Variants in LRP1B observed in about 807,000 individuals in gnomAD.
The protein encoded by LRP1B is low-density lipoprotein receptor-related protein 1B.
A neutral mutation model predicts 556.6 loss-of-function variants in LRP1B; 217 were observed. That is an observed-to-expected ratio of 0.39 (90% CI 0.35 to 0.44). LRP1B has a LOEUF of 0.44. Ranked by LOEUF, LRP1B falls within the 20% of genes least tolerant of loss-of-function variation. The probability of loss-of-function intolerance (pLI) is 1.00; values close to 1 mark genes in which losing one functional copy is unlikely to be tolerated. For synonymous variants in LRP1B, 2,047 were observed against 1,865.8 expected, an observed-to-expected ratio of 1.10 and a Z score of -2.50; for missense variants, 5,053 against 5,620.8, an observed-to-expected ratio of 0.90 and a Z score of 3.23.
intron 1 of LRP1B, among the ~76,000 whole-genome samples, chr2:141,867,876 A>C (rs1442789955): frequency 6.6e-6 from 1 of 152,168 alleles, no homozygotes; most frequent in Non-Finnish European, 1.5e-5. Flanking sequence ...ATACAAATTG[A>C]GAGTTAATTC....
chr2:141,766,794 C>T (rs540882648), intron 2 of LRP1B, among the ~76,000 whole-genome samples: 6 of 152,174 alleles, frequency 3.9e-5, no homozygotes, highest in East Asian at 1.9e-4. Flanking sequence ...AGTCATTATC[C>T]GTCTCTTCTA....
intron 1 of LRP1B, among the ~76,000 whole-genome samples, chr2:142,047,297 T>C (rs1425993051): frequency 1.3e-5 from 2 of 151,964 alleles, no homozygotes; most frequent in African/African-American, 4.8e-5. Flanking sequence ...ACAAACTGTC[T>C]TTGCTTGTTC....
At chr2:141,719,374 A>G (rs1156760794) in intron 2 of LRP1B, among the ~76,000 whole-genome samples, 2 of 152,120 alleles carry the variant, frequency 1.3e-5, no homozygotes, top group Non-Finnish European at 2.9e-5. Flanking sequence ...ACAGAATTGC[A>G]ATGTAATAGG....
chr2:140,250,285 A>G (rs996921994), intron 86 of LRP1B, among the ~76,000 whole-genome samples: 3 of 151,854 alleles, frequency 2.0e-5, no homozygotes, highest in Non-Finnish European at 4.4e-5. Context: ...TACAACTGTA[A>G]ATTATTTAAC....
rs550608679 is a variant in LRP1B, at chr2:141,322,366, T to G, written c.344-67725A>C. ...AATATAAGAGGAGCAATAGAAAATC[T>G]CTACCTGATACCGGGGTATCTTGGG... On this transcript the variant is annotated intron_variant, in intron 3 of 90. Coordinates refer to ENST00000389484, the MANE Select transcript of LRP1B (RefSeq NM_018557.3). Among the ~76,000 whole-genome samples, 46 of 152,164 alleles carry G rather than the reference T, an allele frequency of 3.0e-4. 1 individual carries two copies. The South Asian group carries it at 9.5e-3, about 32-fold the overall frequency.
chr2:141,180,517 A>G (rs900078018), intron 7 of LRP1B, among the ~76,000 whole-genome samples: 1 of 151,970 alleles, frequency 6.6e-6, no homozygotes, highest in African/African-American at 2.4e-5. Flanking sequence ...AACTTACTGA[A>G]TATTACCCAA....
intron 9 of LRP1B, among the ~76,000 whole-genome samples, chr2:141,058,223 C>T (rs563324284): frequency 2.0e-5 from 3 of 151,712 alleles, no homozygotes; most frequent in East Asian, 2.0e-4. Context: ...AATGTACAGC[C>T]GTGATTAGAT....
chr2:141,934,111 T>C (rs1390442080), intron 1 of LRP1B, among the ~76,000 whole-genome samples: 4 of 152,104 alleles, frequency 2.6e-5, no homozygotes, highest in African/African-American at 9.7e-5. Context: ...TGAATAAAAA[T>C]GTAGTTTATT....
At chr2:141,140,298 G>T (rs1185242296) in intron 7 of LRP1B, among the ~76,000 whole-genome samples, 5 of 152,000 alleles carry the variant, frequency 3.3e-5, no homozygotes, top group African/African-American at 1.2e-4. Context: ...TTTCAACCGT[G>T]TCGCTTATTG....
chr2:141,572,401 G>A (rs931117960), intron 2 of LRP1B, among the ~76,000 whole-genome samples: 3 of 152,102 alleles, frequency 2.0e-5, no homozygotes, highest in Non-Finnish European at 2.9e-5. Context: ...GTTGCCACCA[G>A]GCCTGCCCTG....
intron 84 of LRP1B, among the ~76,000 whole-genome samples, chr2:140,282,286 C>T (rs552383024): frequency 1.3e-5 from 2 of 151,886 alleles, no homozygotes; most frequent in East Asian, 1.9e-4. Context: ...GTGTCTCCTA[C>T]ATGCCAGGCA....
At chr2:140,748,591 G>GTGTGTATATATATATA in intron 35 of LRP1B, among the ~76,000 whole-genome samples, 1 of 73,332 alleles carries the variant, frequency 1.4e-5, no homozygotes, top group African/African-American at 5.4e-5. Context: ...TATACAGTGT[G>GTGTGTATATATATATA]TATATATATA....
At chr2:140,969,735 C>T (rs541063945) in intron 18 of LRP1B, among the ~76,000 whole-genome samples, 3 of 152,282 alleles carry the variant, frequency 2.0e-5, no homozygotes, top group Non-Finnish European at 2.9e-5. Context: ...GACAAAATCT[C>T]TCAGCATTTG....
chr2:141,380,355 C>T (rs1426539037), intron 3 of LRP1B, among the ~76,000 whole-genome samples: 1 of 152,178 alleles, frequency 6.6e-6, no homozygotes, highest in Non-Finnish European at 1.5e-5. Flanking sequence ...AGTTAATGGA[C>T]CAGACAGTCG....
At chr2:141,351,571 T>G (rs181968050) in intron 3 of LRP1B, among the ~76,000 whole-genome samples, 1 of 152,116 alleles carries the variant, frequency 6.6e-6, no homozygotes, top group Admixed American at 6.5e-5. Flanking sequence ...AACCCTCAAT[T>G]ATTCAGTCAT....
intron 49 of LRP1B, among the ~76,000 whole-genome samples, chr2:140,517,920 A>T (rs2104942806): frequency 6.6e-6 from 1 of 152,070 alleles, no homozygotes; most frequent in South Asian, 2.1e-4. Context: ...CATACTGGTC[A>T]GGCTGGTCTT....
chr2:141,106,276 T>C (rs952196158), intron 7 of LRP1B, among the ~76,000 whole-genome samples: 1 of 152,164 alleles, frequency 6.6e-6, no homozygotes, highest in Admixed American at 6.6e-5. Flanking sequence ...ACAAAAGCAA[T>C]GATAGAAAAT....
At chr2:140,989,437 C>T (rs2105352340) in intron 17 of LRP1B, 95 bp downstream of exon 17, 1 of 1,336,114 alleles carries the variant, frequency 7.5e-7, no homozygotes, top group Non-Finnish European at 1.1e-6. Flanking sequence ...ATCATCAGCA[C>T]TAGGAAAGTT....
chr2:141,999,808 CTG>C (rs1265787769), intron 1 of LRP1B, among the ~76,000 whole-genome samples: 1 of 151,768 alleles, frequency 6.6e-6, no homozygotes, highest in Non-Finnish European at 1.5e-5. Context: ...TTTGTATCAA[CTG>C]TAATATTTGT....
Sources: gnomAD v4.1 joint callset for allele counts (sites outside exome capture counted in the v4.1 genomes callset) on GRCh38, gnomAD v4.1.1 for gene constraint, MANE v1.5 for transcripts, NCBI Gene and HGNC (gene_info 2026-07-23, HGNC 2026-07-21) for gene names.